Variants in SOX5 observed in about 807,000 individuals in gnomAD.
The protein encoded by SOX5 is SRY-box transcription factor 5, also known as transcription factor SOX-5.
SOX5 carries 9 observed loss-of-function variants against 92.0 expected under a neutral mutation model. The observed-to-expected ratio is 0.10, with a 90% CI of 0.06 to 0.17. The LOEUF (loss-of-function observed/expected upper bound fraction) is 0.17, where lower values mean the gene tolerates loss of function less well. Ranked by LOEUF, SOX5 falls within the 10% of genes least tolerant of loss-of-function variation. SOX5 has a pLI of 1.00. For synonymous variants in SOX5, 344 were observed against 336.3 expected, an observed-to-expected ratio of 1.02 and a Z score of -0.25; for missense variants, 642 against 944.5, an observed-to-expected ratio of 0.68 and a Z score of 4.20.
chr12:24,041,287 TTC>T (rs1956500029), intron 4 of SOX5, among the ~76,000 whole-genome samples: 1 of 152,176 alleles, frequency 6.6e-6, no homozygotes, highest in African/African-American at 2.4e-5. Flanking sequence ...ATCTTAGATA[TTC>T]ATATAGTTTC....
chr12:23,733,109 C>T (rs2093452632), intron 6 of SOX5, among the ~76,000 whole-genome samples: 1 of 152,150 alleles, frequency 6.6e-6, no homozygotes, highest in African/African-American at 2.4e-5. Context: ...TTGAGCCTTA[C>T]ACCCATTTAC....
intron 4 of SOX5, among the ~76,000 whole-genome samples, chr12:24,085,894 A>G (rs961649389): frequency 2.0e-5 from 3 of 151,956 alleles, no homozygotes; most frequent in East Asian, 1.9e-4. Context: ...TAAATTGGTA[A>G]AACAATCCCC....
intron 3 of SOX5, among the ~76,000 whole-genome samples, chr12:24,257,950 G>T (rs1039497340): frequency 6.6e-6 from 1 of 151,976 alleles, no homozygotes; most frequent in African/African-American, 2.4e-5. Flanking sequence ...CGAGGCAAGT[G>T]GATCACGAGG....
At chr12:23,831,956 C>CCACACACACACACACACA (rs1568152842) in intron 3 of SOX5, among the ~76,000 whole-genome samples, 9 of 8,626 alleles carry the variant, frequency 1.0e-3, no homozygotes, top group African/African-American at 3.4e-3. Flanking sequence ...GAAAGGGGAA[C>CCACACACACACACACACA]TACACACACA....
intron 4 of SOX5, among the ~76,000 whole-genome samples, chr12:23,996,611 G>A (rs941058072): frequency 6.6e-6 from 1 of 152,134 alleles, no homozygotes; most frequent in East Asian, 1.9e-4. Context: ...ATGCACAATG[G>A]AATATTACTT....
At chr12:23,759,265 T>C (rs1460228827) in intron 3 of SOX5, among the ~76,000 whole-genome samples, 1 of 152,044 alleles carries the variant, frequency 6.6e-6, no homozygotes. Context: ...CCTTGCACTC[T>C]AGGATTCTGG....
At chr12:23,911,809 C>T (rs934395797) in intron 1 of SOX5, among the ~76,000 whole-genome samples, 1 of 151,958 alleles carries the variant, frequency 6.6e-6, no homozygotes, top group Non-Finnish European at 1.5e-5. Context: ...ACTATTGGAC[C>T]GTAGACATAT....
chr12:24,547,427 A>G (rs964693985), intron 1 of SOX5, among the ~76,000 whole-genome samples: 1 of 151,260 alleles, frequency 6.6e-6, no homozygotes, highest in Middle Eastern at 3.2e-3. Flanking sequence ...TCCTGACCTC[A>G]TGATCCACCC....
chr12:23,846,768 T>G (rs1181699326), intron 2 of SOX5, among the ~76,000 whole-genome samples: 2 of 152,196 alleles, frequency 1.3e-5, no homozygotes, highest in African/African-American at 4.8e-5. Flanking sequence ...TCACACAGGT[T>G]ATTTGACATC....
chr12:24,346,470 GA>G (rs1953264348), intron 2 of SOX5, among the ~76,000 whole-genome samples: 1 of 84,274 alleles, frequency 1.2e-5, no homozygotes, highest in Non-Finnish European at 2.4e-5. Context: ...TTTTTTTTTT[GA>G]GATGGAGTCT....
chr12:23,837,055 C>A (rs4608183), intron 3 of SOX5, among the ~76,000 whole-genome samples: 1 of 149,864 alleles, frequency 6.7e-6, no homozygotes, highest in African/African-American at 2.5e-5. Context: ...CATAGTGTCA[C>A]TGTCCTGATG....
intron 3 of SOX5, among the ~76,000 whole-genome samples, chr12:24,217,167 CA>C (rs1417028537): frequency 4.6e-5 from 7 of 152,152 alleles, no homozygotes; most frequent in African/African-American, 1.7e-4. Flanking sequence ...AGTGAACTAT[CA>C]AACCTTAAAG....
rs75595834 is a variant in SOX5, at chr12:24,513,156, G to A, written c.-251+49173C>T. ...GCTACAGTGCCCTGTGTTACCAGAC[G>A]ATTTTGCCCAACTGTAAGACTAATG... On this transcript the variant is annotated intron_variant, in intron 1 of 4. Coordinates refer to the SOX5 transcript ENST00000446891. 4.4e-3 allele frequency among the ~76,000 whole-genome samples: 664 copies of A among 152,304 alleles called. 10 individuals are homozygous for A. Among genetic ancestry groups the A allele is most frequent in the East Asian group, 0.033 (171 of 5,186 alleles).
chr12:23,978,822 T>C (rs547789471), intron 4 of SOX5, among the ~76,000 whole-genome samples: 10 of 152,182 alleles, frequency 6.6e-5, no homozygotes, highest in Non-Finnish European at 1.2e-4. Context: ...TTTTCCCAAA[T>C]ACTCTATTAA....
At chr12:23,991,357 A>G (rs1489532796) in intron 4 of SOX5, among the ~76,000 whole-genome samples, 5 of 151,676 alleles carry the variant, frequency 3.3e-5, no homozygotes, top group Admixed American at 2.6e-4. Context: ...AAATATATAT[A>G]TATATACCAC....
intron 3 of SOX5, among the ~76,000 whole-genome samples, chr12:23,836,635 G>C (rs998855790): frequency 6.6e-6 from 1 of 151,854 alleles, no homozygotes; most frequent in African/African-American, 2.4e-5. Flanking sequence ...GTTGGCAGGG[G>C]TAAGGTCGGA....
At chr12:23,651,221 T>TA (rs2081520544) in intron 7 of SOX5, among the ~76,000 whole-genome samples, 2 of 151,980 alleles carry the variant, frequency 1.3e-5, no homozygotes, top group Non-Finnish European at 2.9e-5. Context: ...CATATACACA[T>TA]ATATACATAT....
intron 1 of SOX5, among the ~76,000 whole-genome samples, chr12:24,548,560 G>C (rs11047491): frequency 0.014 from 2,181 of 152,248 alleles, 36 homozygotes; most frequent in Non-Finnish European, 0.024. Context: ...CCAGGAACTA[G>C]AAGTATGGAT....
chr12:24,347,653 CT>C (rs1175490473), intron 2 of SOX5, among the ~76,000 whole-genome samples: 5 of 152,122 alleles, frequency 3.3e-5, no homozygotes, highest in Non-Finnish European at 7.4e-5. Flanking sequence ...GCAACTTTCA[CT>C]TTTTAAAAAC....
Sources: allele counts gnomAD v4.1 joint callset (sites outside exome capture counted in the v4.1 genomes callset), GRCh38; gene constraint gnomAD v4.1.1; transcripts MANE v1.5; gene names NCBI Gene and HGNC (gene_info 2026-07-23, HGNC 2026-07-21).